KCNK12: variants seen among roughly 807,000 people sequenced by gnomAD.
KCNK12 encodes potassium channel subfamily K member 12.
Under a neutral mutation model 25.3 loss-of-function variants are expected in KCNK12, and 6 were observed. The ratio of observed to expected loss-of-function variants is 0.24; its 90% CI spans 0.13 to 0.47. The LOEUF (loss-of-function observed/expected upper bound fraction) is 0.47. KCNK12 is among the 20% of genes least tolerant of loss of function. The probability of loss-of-function intolerance (pLI) is 0.99; values close to 1 mark genes in which losing one functional copy is unlikely to be tolerated. For missense variants in KCNK12, 444 were observed against 661.7 expected, an observed-to-expected ratio of 0.67 and a Z score of 3.61; for synonymous variants, 331 against 311.1, an observed-to-expected ratio of 1.06 and a Z score of -0.67.
intron 1 of KCNK12, among the ~76,000 whole-genome samples, chr2:47,534,436 C>CT (rs1669007385): frequency 7.0e-6 from 1 of 143,688 alleles, no homozygotes; most frequent in Non-Finnish European, 1.5e-5. Context: ...CTCCAGGCCC[C>CT]CCCCACCGCC....
At chr2:47,567,279 C>T (rs889635563) in intron 1 of KCNK12, 4 of 152,214 alleles carry the variant, frequency 2.6e-5, no homozygotes, top group Non-Finnish European at 5.9e-5. Flanking sequence ...TGCTAATTTT[C>T]CTCTTCATTG....
At position 47,511,812 on chromosome 2, in the gene KCNK12, G is replaced by T. The variant is rs1417088896; in HGVS notation, c.*9095C>A. Among the ~76,000 whole-genome samples the T allele has an allele frequency of 6.6e-6, 1 of 152,204 alleles. No homozygotes were observed. The highest frequency in any genetic ancestry group is 1.9e-4 in the East Asian group (1 of 5,198). Reference sequence around the variant, plus strand: ...CGTTGTAGACTTTTCTGCAGTGACAGAAATGTTCTATATCTGTGCTATCCA... The same window carrying T: ...CGTTGTAGACTTTTCTGCAGTGACATAAATGTTCTATATCTGTGCTATCCA... On this transcript the variant is annotated 3_prime_UTR_variant, in exon 2 of 2. Transcript: ENST00000327876. The surrounding 1 kb of genome is among the most constrained non-coding windows in gnomAD (Gnocchi z 4.3).
In KCNK12 at chr2:47,560,663, A is replaced by C. The variant is rs1484282014; in HGVS notation, c.391+9278T>G. On this transcript the variant is annotated intron_variant, in intron 1 of 1. Transcript: ENST00000327876. This position sits in a 1 kb window ranked among gnomAD's most constrained non-coding sequence, Gnocchi z 4.7. ...GCCTGTCATCTGTGAAATGGGATAT[A>C]ATTTTCTTTGCTGTCCTAGGATTTT... 2.0e-5 allele frequency among the ~76,000 whole-genome samples: 3 copies of C among 152,178 alleles called. No individual in the cohort carries two copies. Among genetic ancestry groups the C allele is most frequent in the African/African-American group, 7.2e-5 (3 of 41,438 alleles).
chr2:47,561,813 T>G (rs1249724743), intron 1 of KCNK12, among the ~76,000 whole-genome samples: 1 of 152,148 alleles, frequency 6.6e-6, no homozygotes, highest in African/African-American at 2.4e-5. Context: ...AATTAGGACG[T>G]GAATCCAGGC....
chr2:47,546,155 T>G (rs1294106446), intron 1 of KCNK12, among the ~76,000 whole-genome samples: 2 of 152,240 alleles, frequency 1.3e-5, no homozygotes, highest in Middle Eastern at 3.2e-3. Context: ...TGATCAGGCT[T>G]GGAATCCTTT....
At chr2:47,542,046 C>A (rs2104817090) in intron 1 of KCNK12, among the ~76,000 whole-genome samples, 1 of 152,284 alleles carries the variant, frequency 6.6e-6, no homozygotes, top group South Asian at 2.1e-4. Flanking sequence ...GAGCCCTGAT[C>A]AGGAGGCTGT....
intron 1 of KCNK12, among the ~76,000 whole-genome samples, chr2:47,558,605 G>A (rs1669597646): frequency 6.6e-6 from 1 of 152,202 alleles, no homozygotes; most frequent in Non-Finnish European, 1.5e-5. Context: ...AGGTCCTGGT[G>A]TTAGCAGCTA....
Position 47,520,988 on chromosome 2 carries a change from C to T in KCNK12, c.1212G>A (p.Thr404=). 4 of 1,348,920 alleles carry T rather than the reference C, an allele frequency of 3.0e-6. No individual in the cohort carries two copies. Among genetic ancestry groups the T allele is most frequent in the South Asian group, 1.8e-5 (1 of 55,254 alleles). The allele number at this position is 1,348,920 out of a possible 1,614,324, so 83.6% of individuals were successfully genotyped here. A position where few individuals can be genotyped will look rare whatever the true frequency, so the allele number is the denominator to read the frequency against. ...CGCCGCCCGAGAAGCCGTTCTGGCG[C>T]GTGTTGACGCACACGCTGCGCGGGT... The part of the protein sequence containing the change: ...NGYPRSVCVN[T]RQNGFSGGVG... Residue 404 remains threonine, a synonymous_variant, in exon 2 of 2, where the codon ACG becomes ACA. Transcript: ENST00000327876. This position sits in a 1 kb window ranked among gnomAD's most constrained non-coding sequence, Gnocchi z 5.0.
rs972458934 is a variant in KCNK12, at chr2:47,548,052, C to A, written c.391+21889G>T. 1.3e-5 allele frequency among the ~76,000 whole-genome samples: 2 copies of A among 152,148 alleles called. No individual in the cohort carries two copies. The highest frequency in any genetic ancestry group is 4.8e-5 in the African/African-American group (2 of 41,432). The stretch of plus-strand genomic sequence containing the variant: ...AGTGTGTAGCACCTTCCCCTTTGCT[C>A]TCTTCCTCCTGCTCCAGCCATGAAG... On this transcript the variant is annotated intron_variant, in intron 1 of 1. Coordinates refer to ENST00000327876, the MANE Select transcript of KCNK12 (RefSeq NM_022055.2). This position sits in a 1 kb window ranked among gnomAD's most constrained non-coding sequence, Gnocchi z 4.4.
rs1668563454 is a variant in KCNK12, at chr2:47,517,953, G to T, written c.*2954C>A. ...TTAGGAAGCAAATCCTGGAGCATGAGGAAATTGTAGGCTACAGTGAGCTAC... is the reference window on the plus strand; with the variant it reads ...TTAGGAAGCAAATCCTGGAGCATGATGAAATTGTAGGCTACAGTGAGCTAC... On this transcript the variant is annotated 3_prime_UTR_variant, in exon 2 of 2. Transcript: ENST00000327876. This position sits in a 1 kb window ranked among gnomAD's most constrained non-coding sequence, Gnocchi z 4.1. 1 of 152,192 alleles carries T rather than the reference G, an allele frequency of 6.6e-6. No individual in the cohort carries two copies. The highest frequency in any genetic ancestry group is 1.5e-5 in the Non-Finnish European group (1 of 68,062). 9.4% of individuals were successfully genotyped at this position (152,192 alleles called of 1,614,324 possible).
intron 1 of KCNK12, among the ~76,000 whole-genome samples, chr2:47,522,506 G>C (rs77693957): frequency 1.3e-5 from 2 of 152,280 alleles, no homozygotes; most frequent in African/African-American, 2.4e-5. Flanking sequence ...GGGGGGATAG[G>C]TTCTTTGTCA....
intron 1 of KCNK12, among the ~76,000 whole-genome samples, chr2:47,545,175 G>C (rs1226041797): frequency 2.0e-5 from 3 of 152,120 alleles, no homozygotes; most frequent in Non-Finnish European, 2.9e-5. Flanking sequence ...TGAAGGAGGA[G>C]GCTCCATGAA....
In KCNK12 at chr2:47,562,135, A is replaced by G. The variant is rs1669685884; in HGVS notation, c.391+7806T>C. 2.5e-6 allele frequency: 1 copy of G among 398,526 alleles called. No individual in the cohort carries two copies. Among genetic ancestry groups the G allele is most frequent in the Non-Finnish European group, 4.4e-6 (1 of 226,082 alleles). The allele number at this position is 398,526 out of a possible 1,614,324, so 24.7% of individuals were successfully genotyped here. A position where few individuals can be genotyped will look rare whatever the true frequency, so the allele number is the denominator to read the frequency against. On this transcript the variant is annotated intron_variant, in intron 1 of 1. Coordinates refer to ENST00000327876, the MANE Select transcript of KCNK12 (RefSeq NM_022055.2). This position sits in a 1 kb window ranked among gnomAD's most constrained non-coding sequence, Gnocchi z 4.8. ...AGGCATTGCCAGGAGCTCATGAGGA[A>G]TGCAGACTGTCAGGTCCCACCCCAG...
In KCNK12 at chr2:47,559,763, C is replaced by G. The variant is rs13413362; in HGVS notation, c.391+10178G>C. Among the ~76,000 whole-genome samples the G allele has an allele frequency of 7.8e-3, 1,185 of 152,272 alleles. 26 individuals are homozygous for G. The highest frequency in any genetic ancestry group is 0.027 in the African/African-American group (1,126 of 41,556). ...GCAGATGGGGAAGCTGGCATAGAAA[C>G]AAATGATTGGCACAGGTCTGAGGGC... On this transcript the variant is annotated intron_variant, in intron 1 of 1. Transcript: ENST00000327876.
Position 47,520,188 on chromosome 2 carries a change from C to CA in KCNK12, c.*718dup, listed in dbSNP as rs1335071824. On this transcript the variant is annotated 3_prime_UTR_variant, in exon 2 of 2. Transcript: ENST00000327876. This position sits in a 1 kb window ranked among gnomAD's most constrained non-coding sequence, Gnocchi z 5.0. ...TGCAGCCTCACCGCTCCCCTCCTCA[C>CA]AGGTGCCCTGGACCGCCCACCATTA... 1 of 152,340 alleles carries CA rather than the reference C, an allele frequency of 6.6e-6. No individual in the cohort carries two copies. The highest frequency in any genetic ancestry group is 1.5e-5 in the Non-Finnish European group (1 of 68,142). 9.4% of individuals were successfully genotyped at this position (152,340 alleles called of 1,614,324 possible).
chr2:47,554,884 A>G (rs1669519682), intron 1 of KCNK12, among the ~76,000 whole-genome samples: 1 of 152,176 alleles, frequency 6.6e-6, no homozygotes, highest in Non-Finnish European at 1.5e-5. Context: ...ATCAGAATGT[A>G]TTATGCGGAT....
At chr2:47,524,943 T>C (rs1668737508) in intron 1 of KCNK12, among the ~76,000 whole-genome samples, 1 of 152,160 alleles carries the variant, frequency 6.6e-6, no homozygotes, top group South Asian at 2.1e-4. Context: ...CTGCATCTAC[T>C]CACTGAGGGA....
rs946656808 is a variant in KCNK12 at position 47,560,412 on chromosome 2, C to G, written c.391+9529G>C. 6.6e-6 allele frequency among the ~76,000 whole-genome samples: 1 copy of G among 152,214 alleles called. No homozygotes were observed. The highest frequency in any genetic ancestry group is 1.5e-5 in the Non-Finnish European group (1 of 68,032). On this transcript the variant is annotated intron_variant, in intron 1 of 1. Transcript: ENST00000327876. This position sits in a 1 kb window ranked among gnomAD's most constrained non-coding sequence, Gnocchi z 4.7. ...TGCCAGAAGCACAGCACAGCCAAATCCCAGAGTCCCCAAACTGTGCTTCAG... is the reference window on the plus strand; with the variant it reads ...TGCCAGAAGCACAGCACAGCCAAATGCCAGAGTCCCCAAACTGTGCTTCAG...
chr2:47,527,279 T>G (rs1668802214), intron 1 of KCNK12, among the ~76,000 whole-genome samples: 2 of 152,208 alleles, frequency 1.3e-5, no homozygotes, highest in African/African-American at 4.8e-5. Flanking sequence ...CTGTCCTCTC[T>G]GGCCTCCTTT....
Sources: allele counts gnomAD v4.1 joint callset (sites outside exome capture counted in the v4.1 genomes callset), GRCh38; gene constraint gnomAD v4.1.1; non-coding constraint Gnocchi (gnomAD v3.1); transcripts MANE v1.5; gene names NCBI Gene and HGNC (gene_info 2026-07-23, HGNC 2026-07-21).